XRRA1: variants seen among roughly 807,000 people sequenced by gnomAD.
XRRA1 encodes the protein X-ray radiation resistance associated 1, also known as X-ray radiation resistance-associated protein 1.
A neutral mutation model predicts 80.2 loss-of-function variants in XRRA1; 69 were observed. That is an observed-to-expected ratio of 0.86 (90% CI 0.71 to 1.05). XRRA1 has a LOEUF of 1.05. Among genes scored for constraint, XRRA1 ranks in the 50% least tolerant of loss-of-function variants. The pLI, the probability that XRRA1 is intolerant of heterozygous loss-of-function variation, is 0.00. For missense variants in XRRA1, 967 were observed against 976.4 expected, an observed-to-expected ratio of 0.99 and a Z score of 0.13; for synonymous variants, 348 against 389.9, an observed-to-expected ratio of 0.89 and a Z score of 1.27.
Position 74,906,352 on chromosome 11 carries a change from C to T in XRRA1, c.890G>A (p.Ser297Asn). The T allele has an allele frequency of 1.2e-6, 2 of 1,614,016 alleles. No homozygotes were observed. The highest frequency in any genetic ancestry group is 1.7e-6 in the Non-Finnish European group (2 of 1,179,900). ...CATGAATTGGGGCTCTTTATGGGGA[C>T]TTCCCCTGCCTCCATTCCAGTCTAC... Reference protein sequence around the residue: ...ESVDWNGGRGSPHKEPQFMLQ... With the variant: ...ESVDWNGGRGNPHKEPQFMLQ... Residue 297 changes from serine to asparagine, a missense_variant, in exon 10 of 19, where the codon AGT becomes AAT. Transcript: ENST00000684022.
chr11:74,857,734 T>C (rs116485927), intron 12 of XRRA1, among the ~76,000 whole-genome samples: 1,562 of 152,328 alleles, frequency 0.01, 32 homozygotes, highest in African/African-American at 0.034. Flanking sequence ...CAAGTTTAAA[T>C]AGATTTCAGA....
At chr11:74,861,769 C>T (rs900798124) in intron 11 of XRRA1, among the ~76,000 whole-genome samples, 2 of 152,290 alleles carry the variant, frequency 1.3e-5, no homozygotes, top group Admixed American at 6.5e-5. Flanking sequence ...GTAAGTATAA[C>T]CCTTTCCTGA....
At chr11:74,880,577 C>T (rs1733048340) in intron 10 of XRRA1, among the ~76,000 whole-genome samples, 1 of 150,484 alleles carries the variant, frequency 6.6e-6, no homozygotes, top group African/African-American at 2.5e-5. Context: ...TGGATCTTTC[C>T]TGCTTTCTCT....
chr11:74,930,933 T>C (rs1177962591), intron 5 of XRRA1, among the ~76,000 whole-genome samples: 1 of 151,970 alleles, frequency 6.6e-6, no homozygotes, highest in Non-Finnish European at 1.5e-5. Context: ...GCCTCTTGAG[T>C]ATCTAGGACT....
intron 10 of XRRA1, among the ~76,000 whole-genome samples, chr11:74,865,856 T>C (rs2043282424): frequency 6.6e-6 from 1 of 152,242 alleles, no homozygotes; most frequent in Non-Finnish European, 1.5e-5. Flanking sequence ...TGTTTGGGTC[T>C]TCCCAGAGCC....
intron 12 of XRRA1, among the ~76,000 whole-genome samples, chr11:74,854,113 T>TC (rs2040529462): frequency 6.6e-6 from 1 of 152,198 alleles, no homozygotes; most frequent in South Asian, 2.1e-4. Context: ...ACATACAATT[T>TC]GAAGAAAAAA....
intron 10 of XRRA1, among the ~76,000 whole-genome samples, chr11:74,897,154 G>C (rs766313021): frequency 4.6e-5 from 7 of 152,062 alleles, no homozygotes; most frequent in Non-Finnish European, 1.0e-4. Context: ...AATTCTATCA[G>C]ATAAATTTAA....
chr11:74,895,538 G>A (rs2052074223), intron 10 of XRRA1, among the ~76,000 whole-genome samples: 1 of 152,196 alleles, frequency 6.6e-6, no homozygotes, highest in Admixed American at 6.5e-5. Context: ...GTGTTAGGCT[G>A]GGCTTAGAGT....
Position 74,907,174 on chromosome 11 carries a change from A to G in XRRA1, c.756T>C (p.Ser252=). 4 of 1,613,934 alleles carry G rather than the reference A, an allele frequency of 2.5e-6. No homozygotes were observed. The highest frequency in any genetic ancestry group is 1.7e-6 in the Non-Finnish European group (2 of 1,179,870). The part of the protein sequence containing the change: ...MLDDNRLSNP[S]CFASLAGLRR... ...TGAGCCCAGCCAGGCTGGCAAAGCA[A>G]CTGGGGTTGGAGAGTCTGTTGTCAT... Residue 252 remains serine, a synonymous_variant, in exon 9 of 19, where the codon AGT becomes AGC. Transcript: ENST00000684022.
chr11:74,930,293 A>G lies in XRRA1; in HGVS notation c.424+7T>C. On this transcript the variant is annotated splice_region_variant and intron_variant, in intron 6 of 18. Coordinates refer to ENST00000684022, the MANE Select transcript of XRRA1 (RefSeq NM_001378157.1). ...GGAAGAGAGCTTTCAAGAAAGAAAAAGCTTACCTAGAGGCAGCAGGTTTTC... is the reference window on the plus strand; with the variant it reads ...GGAAGAGAGCTTTCAAGAAAGAAAAGGCTTACCTAGAGGCAGCAGGTTTTC... 1 of 1,560,444 alleles carries G rather than the reference A, an allele frequency of 6.4e-7. No individual in the cohort carries two copies. Among genetic ancestry groups the G allele is most frequent in the Non-Finnish European group, 8.7e-7 (1 of 1,150,794 alleles).
intron 17 of XRRA1, 93 bp from the exon 18 acceptor site, chr11:74,844,052 G>C: frequency 6.9e-7 from 1 of 1,445,722 alleles, no homozygotes; most frequent in Non-Finnish European, 9.7e-7. Flanking sequence ...AGGCTGGGGG[G>C]CATCTGGGGG....
chr11:74,912,554 A>C (rs1247980387), intron 8 of XRRA1, among the ~76,000 whole-genome samples: 1 of 152,136 alleles, frequency 6.6e-6, no homozygotes. Flanking sequence ...CCCTCGGAGG[A>C]CGTATACACT....
chr11:74,901,206 A>G (rs1168379189), intron 10 of XRRA1, among the ~76,000 whole-genome samples: 3 of 152,148 alleles, frequency 2.0e-5, no homozygotes, highest in Non-Finnish European at 4.4e-5. Context: ...TACAATAGCC[A>G]CCAATAAAAT....
At chr11:74,913,716 G>C (rs894955044) in intron 8 of XRRA1, 1 of 152,136 alleles carries the variant, frequency 6.6e-6, no homozygotes, top group African/African-American at 2.4e-5. Flanking sequence ...GACTGGACCT[G>C]GCGAGCAGGA....
At chr11:74,921,631 A>T (rs1202426072) in intron 7 of XRRA1, among the ~76,000 whole-genome samples, 1 of 152,102 alleles carries the variant, frequency 6.6e-6, no homozygotes, top group Non-Finnish European at 1.5e-5. Context: ...TTTTTGCTTA[A>T]ATGGGAATGC....
At chr11:74,850,971 C>T in intron 14 of XRRA1, 117 bp downstream of exon 14, 1 of 638,726 alleles carries the variant, frequency 1.6e-6, no homozygotes, top group Non-Finnish European at 2.6e-6. Flanking sequence ...AATGCTGAAC[C>T]TAATGGAGAG....
At chr11:74,939,635 T>C (rs1467693434) in intron 3 of XRRA1, among the ~76,000 whole-genome samples, 1 of 152,204 alleles carries the variant, frequency 6.6e-6, no homozygotes, top group African/African-American at 2.4e-5. Flanking sequence ...CAAACAACTA[T>C]TTCTCCAAGA....
chr11:74,880,954 G>A (rs1008205404), intron 10 of XRRA1, among the ~76,000 whole-genome samples: 5 of 147,904 alleles, frequency 3.4e-5, no homozygotes, highest in Non-Finnish European at 7.5e-5. Context: ...TTGGGGTGGA[G>A]AGTTCTGTAG....
At chr11:74,940,960 A>C in intron 2 of XRRA1, 78 bp from the exon 3 acceptor site, 202 of 1,106,542 alleles carry the variant, frequency 1.8e-4, no homozygotes, top group Non-Finnish European at 2.5e-4. Context: ...AGTGCAGCTC[A>C]TGAGCCCACC....
Sources: gnomAD v4.1 joint callset for allele counts (sites outside exome capture counted in the v4.1 genomes callset) on GRCh38, gnomAD v4.1.1 for gene constraint, MANE v1.5 for transcripts, NCBI Gene and HGNC (gene_info 2026-07-23, HGNC 2026-07-21) for gene names.